RNF214: variants seen among roughly 807,000 people sequenced by gnomAD.
RNF214 encodes the protein ring finger protein 214.
Under a neutral mutation model 75.9 loss-of-function variants are expected in RNF214, and 25 were observed. The observed-to-expected ratio is 0.33, with a 90% CI of 0.24 to 0.46. RNF214 has a LOEUF of 0.46. RNF214 is among the 20% of genes least tolerant of loss of function. RNF214 has a pLI of 1.00. For missense variants in RNF214, 725 were observed against 857.5 expected (o/e 0.85, Z 1.93); for synonymous variants, 314 against 308.8 (o/e 1.02, Z -0.18).
chr11:117,279,974 G>C lies in RNF214; in HGVS notation c.1026G>C (p.Met342Ile). The C allele has an allele frequency of 6.2e-7, 1 of 1,613,462 alleles. No individual in the cohort carries two copies. The highest frequency in any genetic ancestry group is 8.5e-7 in the Non-Finnish European group (1 of 1,179,744). ...NQDGEINRNI[M>I]EETERAWKAE... ...ATGGCGAAATAAATAGGAACATTAT[G>C]GAAGAGACTGAACGGGCCTGGAAGG... The change falls in exon 7 of 15, where the codon ATG becomes ATC. Residue 342 changes from methionine to isoleucine, a missense_variant. Transcript: ENST00000300650.
chr11:117,260,601 C>A (rs111964738), intron 6 of RNF214, among the ~76,000 whole-genome samples: 1 of 148,500 alleles, frequency 6.7e-6, no homozygotes, highest in Non-Finnish European at 1.5e-5. Context: ...GAGTTTGAGA[C>A]CAGCCTGGGT....
intron 6 of RNF214, among the ~76,000 whole-genome samples, chr11:117,273,916 C>A (rs2033959890): frequency 6.6e-6 from 1 of 152,096 alleles, no homozygotes; most frequent in Admixed American, 6.6e-5. Context: ...TATGCAGGAT[C>A]TGAAAGAATA....
chr11:117,283,330 G>T, intron 14 of RNF214, 120 bp downstream of exon 14: 1 of 678,184 alleles, frequency 1.5e-6, no homozygotes, highest in Non-Finnish European at 2.6e-6. Context: ...TTCTTTTACT[G>T]TGTTGGTGCT....
chr11:117,271,749 G>T (rs1239066794), intron 6 of RNF214, among the ~76,000 whole-genome samples: 6 of 152,206 alleles, frequency 3.9e-5, no homozygotes, highest in Non-Finnish European at 8.8e-5. Flanking sequence ...CCTTGTGAAG[G>T]GTTGGAATGG....
chr11:117,272,151 A>G (rs917412784), intron 6 of RNF214, among the ~76,000 whole-genome samples: 51 of 152,242 alleles, frequency 3.3e-4, no homozygotes, highest in African/African-American at 1.2e-3. Context: ...ACTAGAGCCC[A>G]TGAGTTTGAG....
chr11:117,237,575 G>A (rs1182481199), intron 2 of RNF214, among the ~76,000 whole-genome samples: 1 of 152,066 alleles, frequency 6.6e-6, no homozygotes, highest in Non-Finnish European at 1.5e-5. Context: ...TGTGAATGTT[G>A]GATGTCATTG....
intron 6 of RNF214, among the ~76,000 whole-genome samples, chr11:117,261,199 TAGA>T (rs1335129167): frequency 1.3e-5 from 2 of 152,220 alleles, no homozygotes; most frequent in African/African-American, 4.8e-5. Context: ...TTTTGTCAAA[TAGA>T]AGAAGTTACA....
At chr11:117,281,263 TC>T in intron 8 of RNF214, 50 bp from the exon 9 acceptor site, 2 of 1,335,738 alleles carry the variant, frequency 1.5e-6, no homozygotes, top group Non-Finnish European at 1.1e-6. Flanking sequence ...GAGTCACTGT[TC>T]CTAGCAGGGC....
chr11:117,281,556 G>T (rs1217961987), intron 9 of RNF214, 44 bp from the exon 10 acceptor site: 1 of 1,491,456 alleles, frequency 6.7e-7, no homozygotes, highest in Middle Eastern at 1.7e-4. Flanking sequence ...TTTCTAGAGA[G>T]CCTGAGTCAG....
Position 117,281,423 on chromosome 11 carries a change from C to A in RNF214, c.1236+19C>A. On this transcript the variant is annotated intron_variant, in intron 9 of 14. Coordinates refer to ENST00000300650, the MANE Select transcript of RNF214 (RefSeq NM_207343.4). ...TGTTCGTGTAAGTGTATCTATGAGT[C>A]ATCATTCAGTCAGTGTTAGTCTGTG... The A allele has an allele frequency of 1.3e-6, 2 of 1,574,732 alleles. No homozygotes were observed. The highest frequency in any genetic ancestry group is 2.2e-5 in the South Asian group (2 of 90,172).
chr11:117,283,047 T>A, intron 13 of RNF214, 68 bp from the exon 14 acceptor site: 1 of 1,143,736 alleles, frequency 8.7e-7, no homozygotes, highest in Non-Finnish European at 1.3e-6. Context: ...TGCATGGAAT[T>A]ATGGGCATAA....
At chr11:117,240,476 T>A (rs1156654768) in intron 4 of RNF214, among the ~76,000 whole-genome samples, 3 of 147,410 alleles carry the variant, frequency 2.0e-5, no homozygotes, top group Non-Finnish European at 4.5e-5. Flanking sequence ...TCACCTGAGG[T>A]TGAGAGTTTG....
intron 6 of RNF214, among the ~76,000 whole-genome samples, chr11:117,257,094 T>C (rs1026178299): frequency 6.6e-6 from 1 of 152,172 alleles, no homozygotes; most frequent in African/African-American, 2.4e-5. Context: ...CCCAGCTCTT[T>C]GGGAGGCCAA....
intron 14 of RNF214, among the ~76,000 whole-genome samples, chr11:117,284,177 T>C (rs2034193239): frequency 6.6e-6 from 1 of 151,416 alleles, no homozygotes; most frequent in Admixed American, 6.5e-5. Context: ...CAGAAGACTT[T>C]GCCTAGATGA....
At chr11:117,283,567 G>C (rs967508442) in intron 14 of RNF214, among the ~76,000 whole-genome samples, 1 of 152,040 alleles carries the variant, frequency 6.6e-6, no homozygotes, top group Non-Finnish European at 1.5e-5. Flanking sequence ...CACCATATTG[G>C]CCAGGCTGGT....
intron 6 of RNF214, among the ~76,000 whole-genome samples, chr11:117,258,218 G>GC (rs2033570367): frequency 1.3e-5 from 2 of 151,952 alleles, no homozygotes; most frequent in South Asian, 2.1e-4. Flanking sequence ...ACAGGTGCAT[G>GC]CCACCACACC....
At position 117,238,872 on chromosome 11, in the gene RNF214, A is replaced by T. The variant is rs369201312; in HGVS notation, c.379A>T (p.Ser127Cys). 6.8e-6 allele frequency: 11 copies of T among 1,614,012 alleles called. No homozygotes were observed. In the Admixed American group the frequency reaches 1.8e-4, roughly 27 times the overall value. Residue 127 changes from serine (S) to cysteine (C), a missense_variant, in exon 3 of 15, where the codon AGC (serine) becomes TGC (cysteine). Ser to Cys is a moderately radical substitution (Grantham distance 112). Coordinates refer to ENST00000300650, the MANE Select transcript of RNF214 (RefSeq NM_207343.4). ...GEEGDTSLRE[S>C]LHPVTRSLKA... is the part of the protein sequence containing the mutation. Reference sequence around the variant, plus strand: ...GGAGGGGGACACAAGCCTTCGGGAGAGCCTCCATCCAGTCACTCGGTCTCT... The same window carrying T: ...GGAGGGGGACACAAGCCTTCGGGAGTGCCTCCATCCAGTCACTCGGTCTCT...
At chr11:117,275,148 G>A (rs1203320931) in intron 6 of RNF214, among the ~76,000 whole-genome samples, 1 of 152,118 alleles carries the variant, frequency 6.6e-6, no homozygotes, top group East Asian at 1.9e-4. Flanking sequence ...TAAACAACCT[G>A]TCCTGAATGA....
At chr11:117,273,747 G>A (rs2033955666) in intron 6 of RNF214, among the ~76,000 whole-genome samples, 1 of 152,110 alleles carries the variant, frequency 6.6e-6, no homozygotes, top group Non-Finnish European at 1.5e-5. Flanking sequence ...GAAGGTAAGG[G>A]GCGGGAAAAT....
Sources: gnomAD v4.1 joint callset for allele counts (sites outside exome capture counted in the v4.1 genomes callset) on GRCh38, gnomAD v4.1.1 for gene constraint, MANE v1.5 for transcripts, NCBI Gene and HGNC (gene_info 2026-07-23, HGNC 2026-07-21) for gene names.